Variants in REXO1 observed in about 807,000 individuals in gnomAD.
REXO1 encodes the protein RNA exonuclease 1 homolog, also known as REX1, RNA exonuclease 1 homolog.
REXO1 carries 42 observed loss-of-function variants against 102.6 expected under a neutral mutation model. That is an observed-to-expected ratio of 0.41 (90% CI 0.32 to 0.53). REXO1 has a LOEUF of 0.53. Among genes scored for constraint, REXO1 ranks in the 20% least tolerant of loss-of-function variants. The pLI is 0.27. For synonymous variants in REXO1, 908 were observed against 779.1 expected (o/e 1.17, Z -2.76); for missense variants, 1,819 against 1,732.5 (o/e 1.05, Z -0.89).
rs1458723347 is a variant in REXO1, at chr19:1,826,319, C to T, written c.1912-376G>A. On this transcript the variant is annotated intron_variant, in intron 2 of 15. Coordinates refer to ENST00000170168, the MANE Select transcript of REXO1 (RefSeq NM_020695.4). This position sits in a 1 kb window ranked among gnomAD's most constrained non-coding sequence, Gnocchi z 4.3. ...CCCCCTGGTGGCCAATTTGGGGACA[C>T]GGGGCCAGGAGACCCAGGGGTCCAG... 1.3e-5 allele frequency among the ~76,000 whole-genome samples: 2 copies of T among 152,028 alleles called. No homozygotes were observed. The highest frequency in any genetic ancestry group is 1.9e-4 in the East Asian group (1 of 5,142).
intron 1 of REXO1, among the ~76,000 whole-genome samples, chr19:1,841,405 G>C (rs1298397110): frequency 6.6e-6 from 1 of 152,276 alleles, no homozygotes; most frequent in East Asian, 1.9e-4. Context: ...GAGGAGGACA[G>C]AGTTTTCTCG....
rs796701090 is a variant in REXO1, at chr19:1,830,093, G to A, written c.158-1462C>T. Among the ~76,000 whole-genome samples the A allele has an allele frequency of 1.1e-4, 16 of 152,344 alleles. 2 individuals are homozygous for A. The highest frequency in any genetic ancestry group is 3.6e-4 in the African/African-American group (15 of 41,572). On this transcript the variant is annotated intron_variant, in intron 1 of 15. Transcript: ENST00000170168. ...GAAGTCAGAACCACAGAAGCCTCCCGTGGGGACAGGCCGAAGGAGTCTAAA... is the reference window on the plus strand; with the variant it reads ...GAAGTCAGAACCACAGAAGCCTCCCATGGGGACAGGCCGAAGGAGTCTAAA...
chr19:1,826,069 G>A lies in REXO1; in HGVS notation c.1912-126C>T. The A allele has an allele frequency of 5.9e-6, 4 of 676,956 alleles. No homozygotes were observed. The highest frequency in any genetic ancestry group is 1.1e-5 in the Non-Finnish European group (4 of 374,982). The allele number at this position is 676,956 out of a possible 1,614,324, so 41.9% of individuals were successfully genotyped here. A position where few individuals can be genotyped will look rare whatever the true frequency, so the allele number is the denominator to read the frequency against. ...CCAGCCCCCAGGCACAGCAGCTGAG[G>A]GCTCAGGGCCAACAGTCCCTGGGCT... On this transcript the variant is annotated intron_variant, in intron 2 of 15. Transcript: ENST00000170168. The surrounding 1 kb of genome is among the most constrained non-coding windows in gnomAD (Gnocchi z 4.3).
At chr19:1,847,836 G>A (rs2011619235) in intron 1 of REXO1, among the ~76,000 whole-genome samples, 1 of 152,126 alleles carries the variant, frequency 6.6e-6, no homozygotes, top group Non-Finnish European at 1.5e-5. Context: ...AGCGGCGGGC[G>A]CCAATCAGGG....
chr19:1,840,779 C>G (rs536896884), intron 1 of REXO1, among the ~76,000 whole-genome samples: 145 of 152,288 alleles, frequency 9.5e-4, no homozygotes, highest in African/African-American at 3.4e-3. Context: ...CGAGTCCCCT[C>G]AGCCTGGCGC....
chr19:1,825,787 TAAAAAA>T, intron 3 of REXO1, 46 bp downstream of exon 3: 8 of 995,548 alleles, frequency 8.0e-6, no homozygotes, highest in Admixed American at 2.5e-5. Flanking sequence ...ACCTCGTCTT[TAAAAAA>T]AAAAAAAAAA....
intron 1 of REXO1, among the ~76,000 whole-genome samples, chr19:1,830,501 C>G (rs928341975): frequency 5.9e-5 from 9 of 152,140 alleles, no homozygotes; most frequent in Non-Finnish European, 1.3e-4. Flanking sequence ...AAAACAAGAC[C>G]CCAGCTCTTA....
At chr19:1,824,742 C>T (rs1599136632) in intron 3 of REXO1, among the ~76,000 whole-genome samples, 1 of 152,066 alleles carries the variant, frequency 6.6e-6, no homozygotes, top group Non-Finnish European at 1.5e-5. Context: ...TTTACAGGAA[C>T]AATGTCCCAA....
In REXO1 at chr19:1,821,528, T is replaced by C. The variant is rs1253572342; in HGVS notation, c.2385A>G (p.Pro795=). 1 of 1,613,504 alleles carries C rather than the reference T, an allele frequency of 6.2e-7. No individual in the cohort carries two copies. The highest frequency in any genetic ancestry group is 2.2e-5 in the East Asian group (1 of 44,818). Residue 795 remains proline (P), a synonymous_variant, in exon 5 of 16, where the codon CCA becomes CCG. Transcript: ENST00000170168. ...TIIPKRIAHS[P]SLQSLKKPII... ...AGATGGGAGGGGCTACCTGTAAGGA[T>C]GGACTGTGGGCGATTCGCTTAGGGA...
At chr19:1,825,242 G>A (rs1385365889) in intron 3 of REXO1, among the ~76,000 whole-genome samples, 1 of 143,548 alleles carries the variant, frequency 7.0e-6, no homozygotes, top group Non-Finnish European at 1.5e-5. Flanking sequence ...GGAAGTTGCA[G>A]TGAGCAGAGA....
At position 1,826,892 on chromosome 19, in the gene REXO1, G is replaced by T. The variant is rs76681471; in HGVS notation, c.1897C>A (p.Arg633=). The part of the protein sequence containing the change: ...STSVKTEDRG[R]LARQPPKEEK... ...GCGCGCCTCACCTGCCGGGCCAGCC[G>T]GCCTCTGTCCTCCGTCTTGACGCTG... The change falls in exon 2 of 16, where the codon CGG becomes AGG. Residue 633 remains arginine (R), a synonymous_variant. Coordinates refer to ENST00000170168, the MANE Select transcript of REXO1 (RefSeq NM_020695.4). This position sits in a 1 kb window ranked among gnomAD's most constrained non-coding sequence, Gnocchi z 4.3. 102 of 1,581,034 alleles carry T rather than the reference G, an allele frequency of 6.5e-5. No individual in the cohort carries two copies. The African/African-American group carries it at 1.2e-3, about 19-fold the overall frequency.
intron 1 of REXO1, among the ~76,000 whole-genome samples, chr19:1,830,010 G>T (rs1003910476): frequency 2.0e-5 from 3 of 152,146 alleles, no homozygotes; most frequent in African/African-American, 4.8e-5. Flanking sequence ...TTATTTACGT[G>T]GTTCCAGAAC....
chr19:1,848,472 TCCGAGGCCCC>T lies in REXO1; in HGVS notation c.-124_-115del, dbSNP rs2011669749. Reference sequence around the variant, plus strand: ...ACGGACCCCGCCGCCGCCATCTTGCTCCGAGGCCCCCGGAGGCCCTCGGGACGCCGCCGCA... The same window carrying T: ...ACGGACCCCGCCGCCGCCATCTTGCTCGGAGGCCCTCGGGACGCCGCCGCA... On this transcript the variant is annotated 5_prime_UTR_variant, in exon 1 of 16. Transcript: ENST00000170168. 5.0e-6 allele frequency: 4 copies of T among 802,362 alleles called. No homozygotes were observed. Among genetic ancestry groups the T allele is most frequent in the Non-Finnish European group, 6.2e-6 (4 of 648,828 alleles). 49.7% of individuals were successfully genotyped at this position (802,362 alleles called of 1,614,324 possible). A position where few individuals can be genotyped will look rare whatever the true frequency, so the allele number is the denominator to read the frequency against.
rs777479566 is a variant in REXO1 at position 1,827,417 on chromosome 19, G to T, written c.1372C>A (p.Pro458Thr). Residue 458 changes from proline (P) to threonine (T), a missense_variant, in exon 2 of 16, where the codon CCG (proline) becomes ACG (threonine). Pro to Thr is a conservative substitution (Grantham distance 38, BLOSUM62 -1). Coordinates refer to ENST00000170168, the MANE Select transcript of REXO1 (RefSeq NM_020695.4). ...CGGGAGTCCCCGCTTGTGGGGCTCG[G>T]CCGCCGCGCTGGCCGGTCAGGCCTC... Reference protein sequence around the residue: ...KGRPDRPARRPSPTSGDSRPA... With the variant: ...KGRPDRPARRTSPTSGDSRPA... 1 of 1,545,996 alleles carries T rather than the reference G, an allele frequency of 6.5e-7. No individual in the cohort carries two copies. Among genetic ancestry groups the T allele is most frequent in the South Asian group, 1.2e-5 (1 of 84,454 alleles).
intron 10 of REXO1, 62 bp downstream of exon 10, chr19:1,818,420 A>AG: frequency 7.6e-7 from 1 of 1,318,032 alleles, no homozygotes; most frequent in South Asian, 1.3e-5. Flanking sequence ...GGGGGCCTCA[A>AG]GGGAGGGCCC....
Position 1,824,102 on chromosome 19 carries a change from C to T in REXO1, c.2017-317G>A, listed in dbSNP as rs1043341222. 15 of 287,740 alleles carry T rather than the reference C, an allele frequency of 5.2e-5. 1 individual carries two copies. The highest frequency in any genetic ancestry group is 1.9e-5 in the Non-Finnish European group (3 of 154,764). The allele number at this position is 287,740 out of a possible 1,614,324, so 17.8% of individuals were successfully genotyped here. A position where few individuals can be genotyped will look rare whatever the true frequency, so the allele number is the denominator to read the frequency against. ...TCCAATCCCACTACGCCTAATCTTC[C>T]TCAAAGCCCCTCCTCTGGGGAGGCT... On this transcript the variant is annotated intron_variant, in intron 3 of 15. Transcript: ENST00000170168.
rs1223763832 is a variant in REXO1, at chr19:1,846,981, A to G, written c.157+1221T>C. On this transcript the variant is annotated intron_variant, in intron 1 of 15. Coordinates refer to ENST00000170168, the MANE Select transcript of REXO1 (RefSeq NM_020695.4). ...CGCGTTGCCTTCTTCACCAACTCCC[A>G]GCCCCCGCCAAAGCCGGCTGCGTGC... is the stretch of plus-strand genomic sequence containing the variant. Among the ~76,000 whole-genome samples the G allele has an allele frequency of 2.0e-5, 3 of 152,006 alleles. No homozygotes were observed. The East Asian group carries it at 5.8e-4, about 29-fold the overall frequency.
chr19:1,817,073 G>A, intron 12 of REXO1, 146 bp downstream of exon 12: 1 of 1,004,910 alleles, frequency 1.0e-6, no homozygotes, highest in Non-Finnish European at 1.4e-6. Flanking sequence ...TGTTGGTCCA[G>A]GGCAGGAGCC....
chr19:1,837,274 TG>T (rs1175818245), intron 1 of REXO1, among the ~76,000 whole-genome samples: 1 of 152,150 alleles, frequency 6.6e-6, no homozygotes, highest in Non-Finnish European at 1.5e-5. Flanking sequence ...ACGTCCACTC[TG>T]GGGGTCCCTG....
Sources: allele counts gnomAD v4.1 joint callset (sites outside exome capture counted in the v4.1 genomes callset), GRCh38; gene constraint gnomAD v4.1.1; non-coding constraint Gnocchi (gnomAD v3.1); transcripts MANE v1.5; gene names NCBI Gene and HGNC (gene_info 2026-07-23, HGNC 2026-07-21).